Variants in CDC42BPA observed in about 807,000 individuals in gnomAD.
CDC42BPA encodes the protein CDC42 binding protein kinase alpha.
A neutral mutation model predicts 223.5 loss-of-function variants in CDC42BPA; 80 were observed. The ratio of observed to expected loss-of-function variants is 0.36; its 90% CI spans 0.30 to 0.43. The LOEUF (loss-of-function observed/expected upper bound fraction) is 0.43, where lower values mean the gene tolerates loss of function less well. Ranked by LOEUF, CDC42BPA falls within the 20% of genes least tolerant of loss-of-function variation. CDC42BPA has a pLI of 1.00. For synonymous variants in CDC42BPA, 694 were observed against 718.6 expected (o/e 0.97, Z 0.55); for missense variants, 1,743 against 2,099.9 (o/e 0.83, Z 3.32).
At chr1:227,158,025 T>C (rs1663140216) in intron 6 of CDC42BPA, among the ~76,000 whole-genome samples, 1 of 151,968 alleles carries the variant, frequency 6.6e-6, no homozygotes, top group Non-Finnish European at 1.5e-5. Flanking sequence ...TGACACCATC[T>C]TGGCTCACTG....
In CDC42BPA at chr1:227,009,043, T is replaced by C. The variant is rs186273064; in HGVS notation, c.4858-3932A>G. Reference sequence around the variant, plus strand: ...TTTCAGGCTATACATTTTTTTATTGTTTTTCTGTAAACCTTAAGATACATT... The same window carrying C: ...TTTCAGGCTATACATTTTTTTATTGCTTTTCTGTAAACCTTAAGATACATT... On this transcript the variant is annotated intron_variant, in intron 34 of 36. Transcript: ENST00000366766. Among the ~76,000 whole-genome samples, 917 of 152,286 alleles carry C rather than the reference T, an allele frequency of 6.0e-3. 10 individuals carry two copies. The highest frequency in any genetic ancestry group is 0.021 in the African/African-American group (863 of 41,546).
intron 10 of CDC42BPA, among the ~76,000 whole-genome samples, chr1:227,132,516 C>T (rs1657374558): frequency 7.2e-6 from 1 of 138,142 alleles, no homozygotes; most frequent in Non-Finnish European, 1.6e-5. Flanking sequence ...CTTGGCCTCC[C>T]AAAGAGCCGA....
At chr1:227,259,318 A>G (rs895473187) in intron 1 of CDC42BPA, among the ~76,000 whole-genome samples, 6 of 151,096 alleles carry the variant, frequency 4.0e-5, no homozygotes, top group African/African-American at 1.5e-4. Flanking sequence ...AAGAATTAAC[A>G]TACAAACTCA....
chr1:227,268,594 ATATAGTGTGTG>A (rs1012899150), intron 1 of CDC42BPA, among the ~76,000 whole-genome samples: 3 of 121,272 alleles, frequency 2.5e-5, no homozygotes, highest in South Asian at 2.9e-4. Context: ...ATATGTGTAT[ATATAGTGTGTG>A]TATAGTGTGT....
At chr1:227,049,569 T>C (rs1230884077) in intron 22 of CDC42BPA, among the ~76,000 whole-genome samples, 1 of 151,950 alleles carries the variant, frequency 6.6e-6, no homozygotes, top group Non-Finnish European at 1.5e-5. Context: ...TTAAAAGTAA[T>C]ATGAAAAACT....
chr1:227,088,623 C>T (rs1308142956), intron 16 of CDC42BPA, among the ~76,000 whole-genome samples: 1 of 152,080 alleles, frequency 6.6e-6, no homozygotes, highest in Non-Finnish European at 1.5e-5. Context: ...TACAACTTTT[C>T]TTACTGTAAA....
In CDC42BPA at chr1:227,033,427, G is replaced by A. The variant is rs1453780885; in HGVS notation, c.3477-12C>T. ...AAAATTCTTCATCCCTGAACGAAAA[G>A]CAAAGCATTAAAAGTTACTATATGT... On this transcript the variant is annotated splice_polypyrimidine_tract_variant and intron_variant, in intron 26 of 36. Transcript: ENST00000366766. 7 of 1,596,636 alleles carry A rather than the reference G, an allele frequency of 4.4e-6. No individual in the cohort carries two copies. The highest frequency in any genetic ancestry group is 5.2e-6 in the Non-Finnish European group (6 of 1,164,216).
chr1:227,205,741 T>C (rs898451542), intron 3 of CDC42BPA, among the ~76,000 whole-genome samples: 61 of 152,054 alleles, frequency 4.0e-4, no homozygotes, highest in African/African-American at 1.3e-3. Context: ...CATGAGAAAA[T>C]TGAGCCTTAG....
At chr1:227,269,437 T>C (rs1239028876) in intron 1 of CDC42BPA, among the ~76,000 whole-genome samples, 1 of 152,206 alleles carries the variant, frequency 6.6e-6, no homozygotes, top group African/African-American at 2.4e-5. Context: ...ATGGAGCATA[T>C]TCACATAACA....
chr1:227,239,594 T>G (rs2148089758), intron 2 of CDC42BPA, among the ~76,000 whole-genome samples: 1 of 152,230 alleles, frequency 6.6e-6, no homozygotes, highest in East Asian at 1.9e-4. Context: ...ATATAAAGTC[T>G]ATTAAAAAAT....
intron 34 of CDC42BPA, among the ~76,000 whole-genome samples, chr1:227,005,344 A>C (rs927749875): frequency 1.3e-5 from 2 of 152,266 alleles, no homozygotes; most frequent in African/African-American, 4.8e-5. Flanking sequence ...TGAAATACTT[A>C]TCAGTAAAAA....
chr1:227,033,622 A>G (rs1199088558), intron 26 of CDC42BPA, among the ~76,000 whole-genome samples: 2 of 152,214 alleles, frequency 1.3e-5, no homozygotes, highest in Non-Finnish European at 2.9e-5. Context: ...ATTATACAAG[A>G]GCTAGAAATC....
intron 15 of CDC42BPA, 96 bp from the exon 16 acceptor site, chr1:227,092,087 T>A (rs1169703654): frequency 1.5e-6 from 1 of 659,722 alleles, no homozygotes; most frequent in African/African-American, 1.8e-5. Context: ...ACACAAAATA[T>A]CAGATTGAAC....
At chr1:227,119,597 T>G (rs893927667) in intron 12 of CDC42BPA, among the ~76,000 whole-genome samples, 1 of 152,104 alleles carries the variant, frequency 6.6e-6, no homozygotes, top group East Asian at 1.9e-4. Context: ...CAAAAGATTC[T>G]GAACTTTCAA....
At chr1:227,105,919 A>C (rs142334973) in intron 14 of CDC42BPA, among the ~76,000 whole-genome samples, 3 of 152,268 alleles carry the variant, frequency 2.0e-5, no homozygotes, top group Non-Finnish European at 4.4e-5. Context: ...TAAAGCATCT[A>C]TTAGAGTTCC....
Position 226,991,866 on chromosome 1 carries a change from C to G in CDC42BPA, c.*2402G>C, listed in dbSNP as rs1291024909. 1 of 149,896 alleles carries G rather than the reference C, an allele frequency of 6.7e-6. No individual in the cohort carries two copies. Among genetic ancestry groups the G allele is most frequent in the Non-Finnish European group, 1.5e-5 (1 of 67,866 alleles). The allele number at this position is 149,896 out of a possible 1,614,324, so 9.3% of individuals were successfully genotyped here. A position where few individuals can be genotyped will look rare whatever the true frequency, so the allele number is the denominator to read the frequency against. On this transcript the variant is annotated 3_prime_UTR_variant, in exon 37 of 37. Coordinates refer to ENST00000366766, the MANE Select transcript of CDC42BPA (RefSeq NM_001394014.1). ...AAAGCTACAAACTAATGGCTTATGT[C>G]AAGTCCTGTTAATCTCGGCTTGGGA...
intron 17 of CDC42BPA, among the ~76,000 whole-genome samples, chr1:227,074,654 T>C (rs1679088345): frequency 6.6e-6 from 1 of 152,204 alleles, no homozygotes; most frequent in Admixed American, 6.5e-5. Flanking sequence ...TAACACTCTT[T>C]AAATCTAACA....
At chr1:227,072,333 A>G in intron 19 of CDC42BPA, 34 bp from the exon 20 acceptor site, 1 of 1,269,582 alleles carries the variant, frequency 7.9e-7, no homozygotes, top group Non-Finnish European at 1.1e-6. Flanking sequence ...AAATGTCATT[A>G]ATTTTTATTG....
In CDC42BPA at chr1:227,072,083, A is replaced by T. The variant is rs575522970; in HGVS notation, c.2827+125T>A. 5.8e-5 allele frequency: 33 copies of T among 570,182 alleles called. No homozygotes were observed. In the South Asian group the frequency reaches 9.2e-4, roughly 16 times the overall value. 35.3% of individuals were successfully genotyped at this position (570,182 alleles called of 1,614,324 possible). ...TCATATATACACACGTATATTCATAAATGAGTGCCAGAATTGCTTATGTCA... is the reference window on the plus strand; with the variant it reads ...TCATATATACACACGTATATTCATATATGAGTGCCAGAATTGCTTATGTCA... On this transcript the variant is annotated intron_variant, in intron 20 of 36. Transcript: ENST00000366766.
Sources: allele counts gnomAD v4.1 joint callset (sites outside exome capture counted in the v4.1 genomes callset), GRCh38; gene constraint gnomAD v4.1.1; transcripts MANE v1.5; gene names NCBI Gene and HGNC (gene_info 2026-07-23, HGNC 2026-07-21).